ZNF354B: variants seen among roughly 807,000 people sequenced by gnomAD.
ZNF354B encodes the protein zinc finger protein 354B.
Under a neutral mutation model 12.9 loss-of-function variants are expected in ZNF354B, and 10 were observed. That is an observed-to-expected ratio of 0.77 (90% CI 0.48 to 1.31). ZNF354B has a LOEUF of 1.31. ZNF354B is among the 40% of genes most tolerant of loss of function. The probability of loss-of-function intolerance (pLI) is 0.00; values close to 1 mark genes in which losing one functional copy is unlikely to be tolerated. For missense variants in ZNF354B, 614 were observed against 711.7 expected (o/e 0.86, Z 1.56); for synonymous variants, 260 against 243.7 (o/e 1.07, Z -0.62).
chr5:178,862,838 G>A (rs941648854), intron 2 of ZNF354B, among the ~76,000 whole-genome samples: 3 of 152,180 alleles, frequency 2.0e-5, no homozygotes, highest in Admixed American at 6.5e-5. Context: ...GTGTGGGTGA[G>A]TCTCTGTGGC....
At chr5:178,869,387 C>G (rs1260553989) in intron 4 of ZNF354B, among the ~76,000 whole-genome samples, 1 of 152,114 alleles carries the variant, frequency 6.6e-6, no homozygotes, top group Non-Finnish European at 1.5e-5. Context: ...TAGAAATACA[C>G]TAATTTTATA....
chr5:178,865,849 GT>G (rs141499272), intron 2 of ZNF354B, among the ~76,000 whole-genome samples: 22,521 of 150,412 alleles, frequency 0.15, 2,043 homozygotes, highest in African/African-American at 0.26. Flanking sequence ...GTTGTTTCCT[GT>G]TTTTTTTTGC....
chr5:178,879,738 A>G (rs1245916085), intron 4 of ZNF354B, among the ~76,000 whole-genome samples: 1 of 152,216 alleles, frequency 6.6e-6, no homozygotes, highest in Non-Finnish European at 1.5e-5. Context: ...AAAAGGAAAA[A>G]GATTAACCCA....
At chr5:178,878,055 A>G (rs1200131478) in intron 4 of ZNF354B, among the ~76,000 whole-genome samples, 5 of 152,108 alleles carry the variant, frequency 3.3e-5, no homozygotes, top group South Asian at 2.1e-4. Flanking sequence ...ACTGATGTCT[A>G]TTGGGTAGTA....
chr5:178,870,224 C>T (rs1757540372), intron 4 of ZNF354B, among the ~76,000 whole-genome samples: 1 of 152,152 alleles, frequency 6.6e-6, no homozygotes, highest in Non-Finnish European at 1.5e-5. Flanking sequence ...AAAACTTATG[C>T]TCCCCATGAT....
At chr5:178,864,099 G>C (rs1757408268) in intron 2 of ZNF354B, among the ~76,000 whole-genome samples, 1 of 152,194 alleles carries the variant, frequency 6.6e-6, no homozygotes, top group African/African-American at 2.4e-5. Flanking sequence ...TAAGTGTACA[G>C]TGTTTAAAAT....
At chr5:178,876,926 CCT>C (rs1491507053) in intron 4 of ZNF354B, among the ~76,000 whole-genome samples, 1 of 124,504 alleles carries the variant, frequency 8.0e-6, no homozygotes, top group African/African-American at 2.9e-5. Context: ...TTTTTTTATG[CCT>C]TTTTTTTTTT....
intron 4 of ZNF354B, among the ~76,000 whole-genome samples, chr5:178,872,676 A>G (rs1757581577): frequency 6.6e-6 from 1 of 152,164 alleles, no homozygotes; most frequent in African/African-American, 2.4e-5. Flanking sequence ...TATTTTAACC[A>G]TTCTGGTAGG....
intron 2 of ZNF354B, 35 bp from the exon 3 acceptor site, chr5:178,866,209 G>C (rs779279920): frequency 6.2e-7 from 1 of 1,611,862 alleles, no homozygotes; most frequent in Non-Finnish European, 8.5e-7. Context: ...CTGTGAGGGT[G>C]GTCCTGGGTG....
At chr5:178,864,916 C>A (rs1050388705) in intron 2 of ZNF354B, among the ~76,000 whole-genome samples, 1 of 149,838 alleles carries the variant, frequency 6.7e-6, no homozygotes, top group Non-Finnish European at 1.5e-5. Context: ...AGCCACCACA[C>A]CTGGCCAGAA....
intron 2 of ZNF354B, among the ~76,000 whole-genome samples, chr5:178,865,037 C>G (rs922023179): frequency 6.6e-6 from 1 of 152,196 alleles, no homozygotes; most frequent in Non-Finnish European, 1.5e-5. Context: ...ATACCATCAG[C>G]TCTAATGATT....
chr5:178,867,070 A>T lies in ZNF354B; in HGVS notation c.255A>T (p.Leu85=). The T allele has an allele frequency of 6.2e-7, 1 of 1,612,618 alleles. No individual in the cohort carries two copies. The highest frequency in any genetic ancestry group is 8.5e-7 in the Non-Finnish European group (1 of 1,179,680). The change falls in exon 4 of 5, where the codon CTA becomes CTT. Residue 85 remains leucine, a splice_region_variant and synonymous_variant. Transcript: ENST00000322434. ...AAGACAGTTCTGGTGTCTCCTCTCT[A>T]GGTAAGTGGGTGGCCCGAGGTGCTC... The part of the protein sequence containing the change: ...VEKDSSGVSS[L]GCKSTPKMTK...
In ZNF354B at chr5:178,883,171, A is replaced by C; in HGVS notation, c.719A>C (p.Lys240Thr). ...RKHQKNHTGE[K>T]LFKCKECLKA... is the part of the protein sequence containing the mutation. ...CATCAGAAAAACCACACTGGAGAAA[A>C]ATTATTTAAATGTAAAGAATGTTTA... Residue 240 changes from lysine (K) to threonine (T), a missense_variant, in exon 5 of 5, where the codon AAA (lysine) becomes ACA (threonine). Coordinates refer to ENST00000322434, the MANE Select transcript of ZNF354B (RefSeq NM_058230.3). The C allele has an allele frequency of 6.2e-7, 1 of 1,613,550 alleles. No homozygotes were observed. The highest frequency in any genetic ancestry group is 8.5e-7 in the Non-Finnish European group (1 of 1,179,878).
intron 4 of ZNF354B, among the ~76,000 whole-genome samples, chr5:178,873,987 T>C (rs1263693235): frequency 6.9e-6 from 1 of 144,374 alleles, no homozygotes; most frequent in African/African-American, 2.6e-5. Flanking sequence ...TCTCACACAC[T>C]CTGCTGTCCG....
chr5:178,867,925 A>G (rs947176725), intron 4 of ZNF354B, among the ~76,000 whole-genome samples: 3 of 152,184 alleles, frequency 2.0e-5, no homozygotes, highest in Non-Finnish European at 4.4e-5. Context: ...ACAGATGGTC[A>G]CTTTGGGAGT....
intron 3 of ZNF354B, 72 bp from the exon 4 acceptor site, chr5:178,866,904 A>G (rs751479485): frequency 7.3e-5 from 106 of 1,451,814 alleles, no homozygotes; most frequent in Non-Finnish European, 8.7e-5. Context: ...CGGTTACCCT[A>G]ATAATCAAGG....
Position 178,866,982 on chromosome 5 carries a change from C to G in ZNF354B, c.167C>G (p.Ser56Ter). Residue 56 changes from serine to a stop codon, truncating the protein, a stop_gained, in exon 4 of 5, where the codon TCA becomes TGA. Transcript: ENST00000322434. LOFTEE classifies it high-confidence loss of function. ...NYRNLVSLGL[S>*]FTKPKVISLL... is the part of the protein sequence containing the mutation. The stretch of plus-strand genomic sequence containing the variant: ...TGTTGTTGTTTATGTGCAGGACTCT[C>G]ATTTACCAAACCAAAAGTCATCTCC... 3 of 1,613,976 alleles carry G rather than the reference C, an allele frequency of 1.9e-6. No individual in the cohort carries two copies. The highest frequency in any genetic ancestry group is 2.5e-6 in the Non-Finnish European group (3 of 1,179,882).
intron 4 of ZNF354B, among the ~76,000 whole-genome samples, chr5:178,880,759 AG>A (rs1360690906): frequency 1.3e-5 from 2 of 149,080 alleles, no homozygotes; most frequent in Admixed American, 6.7e-5. Flanking sequence ...CAAATTGCTG[AG>A]ATTAAAGGAA....
intron 3 of ZNF354B, among the ~76,000 whole-genome samples, 153 bp downstream of exon 3, chr5:178,866,523 C>G (rs985656175): frequency 1.1e-4 from 16 of 152,176 alleles, no homozygotes; most frequent in Non-Finnish European, 1.9e-4. Context: ...GATAACTTAA[C>G]TTTCTCCTAA....
Sources: gnomAD v4.1 joint callset for allele counts (sites outside exome capture counted in the v4.1 genomes callset) on GRCh38, gnomAD v4.1.1 for gene constraint, MANE v1.5 for transcripts, NCBI Gene and HGNC (gene_info 2026-07-23, HGNC 2026-07-21) for gene names.